Variants in KCNIP4 observed in about 807,000 individuals in gnomAD.
The protein encoded by KCNIP4 is Kv channel-interacting protein 4.
A neutral mutation model predicts 34.0 loss-of-function variants in KCNIP4; 12 were observed. That is an observed-to-expected ratio of 0.35 (90% CI 0.23 to 0.57). The LOEUF is 0.57. Among genes scored for constraint, KCNIP4 ranks in the 20% least tolerant of loss-of-function variants. KCNIP4 has a pLI of 0.83. For synonymous variants in KCNIP4, 124 were observed against 102.2 expected (o/e 1.21, Z -1.29); for missense variants, 238 against 311.7 (o/e 0.76, Z 1.78).
chr4:20,920,150 C>T (rs901424602), intron 1 of KCNIP4, among the ~76,000 whole-genome samples: 10 of 152,082 alleles, frequency 6.6e-5, no homozygotes, highest in South Asian at 2.1e-4. Context: ...TGCAATTAGA[C>T]GCAATTTCTA....
intron 1 of KCNIP4, among the ~76,000 whole-genome samples, chr4:21,901,889 C>T (rs901473039): frequency 6.6e-6 from 1 of 152,052 alleles, no homozygotes; most frequent in African/African-American, 2.4e-5. Flanking sequence ...TATTCCCTCC[C>T]CGATCCCATT....
At chr4:21,065,728 A>T (rs28532457) in intron 1 of KCNIP4, among the ~76,000 whole-genome samples, 410 of 29,578 alleles carry the variant, frequency 0.014, 7 homozygotes, top group African/African-American at 0.046. Flanking sequence ...TCATTTGTCT[A>T]TATATATATA....
intron 5 of KCNIP4, among the ~76,000 whole-genome samples, chr4:20,745,413 G>T (rs1264100877): frequency 1.3e-5 from 2 of 152,080 alleles, no homozygotes; most frequent in African/African-American, 2.4e-5. Flanking sequence ...CTCAAAACAG[G>T]AATGATATCT....
chr4:21,684,049 G>C (rs1468368067), intron 1 of KCNIP4, among the ~76,000 whole-genome samples: 1 of 151,950 alleles, frequency 6.6e-6, no homozygotes, highest in South Asian at 2.1e-4. Context: ...TCTGGCTGCT[G>C]AAATTCCATA....
intron 1 of KCNIP4, among the ~76,000 whole-genome samples, chr4:21,330,056 C>G (rs1578086326): frequency 6.6e-6 from 1 of 152,112 alleles, no homozygotes; most frequent in Non-Finnish European, 1.5e-5. Context: ...CAAAAGCATA[C>G]CTTCCTCTTT....
intron 1 of KCNIP4, among the ~76,000 whole-genome samples, chr4:21,218,004 T>A (rs1486655724): frequency 1.4e-5 from 2 of 143,992 alleles, no homozygotes; most frequent in African/African-American, 2.7e-5. Context: ...TTTTTAAATT[T>A]ATTTATTTAT....
intron 1 of KCNIP4, among the ~76,000 whole-genome samples, chr4:21,618,818 A>G (rs1744795790): frequency 6.6e-6 from 1 of 151,432 alleles, no homozygotes; most frequent in South Asian, 2.1e-4. Context: ...TATTTTTAGT[A>G]GAGACGGGAT....
At chr4:21,188,671 C>T (rs1388850419) in intron 1 of KCNIP4, among the ~76,000 whole-genome samples, 1 of 151,908 alleles carries the variant, frequency 6.6e-6, no homozygotes, top group Non-Finnish European at 1.5e-5. Flanking sequence ...CCCTTTTTTC[C>T]ATATATGTAT....
chr4:21,722,981 A>G (rs1196952948), intron 1 of KCNIP4, among the ~76,000 whole-genome samples: 1 of 152,168 alleles, frequency 6.6e-6, no homozygotes, highest in African/African-American at 2.4e-5. Flanking sequence ...ACAAAAACAA[A>G]CAAACAAAAA....
chr4:21,432,661 A>G (rs1202788101), intron 1 of KCNIP4, among the ~76,000 whole-genome samples: 1 of 152,194 alleles, frequency 6.6e-6, no homozygotes, highest in Non-Finnish European at 1.5e-5. Context: ...TGGAAGGTGA[A>G]AAACCAGACA....
chr4:20,741,781 G>A (rs1013110995), intron 5 of KCNIP4, among the ~76,000 whole-genome samples: 7 of 152,166 alleles, frequency 4.6e-5, no homozygotes, highest in African/African-American at 1.2e-4. Context: ...GAATCCAGGA[G>A]CTGGTGTTTT....
intron 1 of KCNIP4, among the ~76,000 whole-genome samples, chr4:21,351,680 T>C (rs1201977748): frequency 6.6e-6 from 1 of 152,168 alleles, no homozygotes; most frequent in African/African-American, 2.4e-5. Context: ...TAATCCAATA[T>C]GGTTGGTGTC....
chr4:20,804,139 G>A (rs1354362255), intron 3 of KCNIP4, among the ~76,000 whole-genome samples: 1 of 152,118 alleles, frequency 6.6e-6, no homozygotes, highest in Non-Finnish European at 1.5e-5. Context: ...TCCCAAGACT[G>A]CACAAATTAT....
At chr4:21,543,397 T>C (rs1184146483) in intron 1 of KCNIP4, among the ~76,000 whole-genome samples, 5 of 152,112 alleles carry the variant, frequency 3.3e-5, no homozygotes, top group Admixed American at 3.3e-4. Context: ...TTTTTACACT[T>C]AGTTTTATAT....
intron 1 of KCNIP4, among the ~76,000 whole-genome samples, chr4:21,856,269 T>C (rs1325995097): frequency 6.6e-6 from 1 of 152,232 alleles, no homozygotes; most frequent in East Asian, 1.9e-4. Flanking sequence ...GAATAATAAC[T>C]AATAAGTACT....
At chr4:21,840,864 C>T (rs1326403376) in intron 1 of KCNIP4, among the ~76,000 whole-genome samples, 5 of 152,172 alleles carry the variant, frequency 3.3e-5, no homozygotes, top group Non-Finnish European at 7.4e-5. Context: ...TTCTTCAGTG[C>T]TGTGAGCTAT....
At chr4:20,857,435 T>A (rs73242531) in intron 2 of KCNIP4, among the ~76,000 whole-genome samples, 15,573 of 152,180 alleles carry the variant, frequency 0.1, 869 homozygotes, top group Middle Eastern at 0.14. Context: ...ATTGGCATAA[T>A]CCTAATCCTC....
chr4:21,632,511 C>T (rs1745838317), intron 1 of KCNIP4, among the ~76,000 whole-genome samples: 1 of 152,224 alleles, frequency 6.6e-6, no homozygotes, highest in Non-Finnish European at 1.5e-5. Context: ...AGGCATGGGC[C>T]ATTGTGGCTG....
chr4:21,830,933 C>T (rs35827665), intron 1 of KCNIP4, among the ~76,000 whole-genome samples: 11,948 of 152,154 alleles, frequency 0.079, 548 homozygotes, highest in Middle Eastern at 0.14. Context: ...CAGAGATGTT[C>T]AAAATTTAAA....
Sources: gnomAD v4.1 joint callset for allele counts (sites outside exome capture counted in the v4.1 genomes callset) on GRCh38, gnomAD v4.1.1 for gene constraint, MANE v1.5 for transcripts, NCBI Gene and HGNC (gene_info 2026-07-23, HGNC 2026-07-21) for gene names.